The following KCNIP1 variants were observed in gnomAD, a reference collection of about 807,000 sequenced individuals.
KCNIP1 encodes the protein A-type potassium channel modulatory protein KCNIP1.
A neutral mutation model predicts 33.0 loss-of-function variants in KCNIP1; 18 were observed. That is an observed-to-expected ratio of 0.55 (90% CI 0.38 to 0.81). KCNIP1 has a LOEUF of 0.81. Ranked by LOEUF, KCNIP1 falls within the 30% of genes least tolerant of loss-of-function variation. KCNIP1 has a pLI of 0.00. For missense variants in KCNIP1, 238 were observed against 271.6 expected, an observed-to-expected ratio of 0.88 and a Z score of 0.87; for synonymous variants, 93 against 98.3, an observed-to-expected ratio of 0.95 and a Z score of 0.32.
intron 2 of KCNIP1, 97 bp downstream of exon 2, chr5:170,718,979 G>A (rs1260728989): frequency 5.4e-6 from 8 of 1,487,208 alleles, no homozygotes; most frequent in Non-Finnish European, 7.2e-6. Flanking sequence ...TTTCCCATAT[G>A]TGAGGCTGTA....
At chr5:170,624,023 C>T (rs1472385948) in intron 1 of KCNIP1, among the ~76,000 whole-genome samples, 1 of 152,230 alleles carries the variant, frequency 6.6e-6, no homozygotes, top group African/African-American at 2.4e-5. Context: ...GAAATAGTGG[C>T]CCTGGCCTGA....
chr5:170,628,889 A>C (rs574078878), intron 1 of KCNIP1, among the ~76,000 whole-genome samples: 4 of 152,220 alleles, frequency 2.6e-5, no homozygotes, highest in African/African-American at 9.7e-5. Flanking sequence ...CTGGCCGTGC[A>C]TGAGGGTCAG....
intron 1 of KCNIP1, among the ~76,000 whole-genome samples, chr5:170,717,966 T>A (rs1017060368): frequency 3.9e-5 from 6 of 152,230 alleles, no homozygotes; most frequent in Non-Finnish European, 8.8e-5. Flanking sequence ...CCCTCTGTGA[T>A]GGTAAAACGT....
At chr5:170,542,696 A>C (rs1756258433) in intron 1 of KCNIP1, among the ~76,000 whole-genome samples, 1 of 152,164 alleles carries the variant, frequency 6.6e-6, no homozygotes, top group Non-Finnish European at 1.5e-5. Flanking sequence ...AGGCTAATTT[A>C]TAAATTAGGC....
chr5:170,378,754 C>T (rs773550380), intron 1 of KCNIP1: 9 of 1,613,816 alleles, frequency 5.6e-6, no homozygotes, highest in South Asian at 2.2e-5. Flanking sequence ...TTCACCATGG[C>T]GATAATGAGG....
At chr5:170,679,084 A>G (rs1408685127) in intron 1 of KCNIP1, 1 of 152,170 alleles carries the variant, frequency 6.6e-6, no homozygotes, top group African/African-American at 2.4e-5. Flanking sequence ...TGGGCAGGTG[A>G]ATTTCTCAGG....
intron 5 of KCNIP1, among the ~76,000 whole-genome samples, chr5:170,729,668 T>A (rs949023986): frequency 1.3e-5 from 2 of 152,098 alleles, no homozygotes; most frequent in Admixed American, 6.5e-5. Context: ...GTAATGTATA[T>A]CTTTAAAAAC....
intron 1 of KCNIP1, among the ~76,000 whole-genome samples, chr5:170,557,166 TCAGCTGCAATA>T (rs1756872255): frequency 6.6e-6 from 1 of 152,198 alleles, no homozygotes; most frequent in African/African-American, 2.4e-5. Flanking sequence ...GCCTCTCTTC[TCAGCTGCAATA>T]CAGGGCTAAT....
intron 1 of KCNIP1, among the ~76,000 whole-genome samples, chr5:170,414,897 C>G (rs911343614): frequency 2.0e-5 from 3 of 152,068 alleles, no homozygotes; most frequent in Non-Finnish European, 4.4e-5. Flanking sequence ...ATGTGTGATG[C>G]GAAAAGGAAG....
chr5:170,547,506 T>A lies in KCNIP1; in HGVS notation c.61+42873T>A, dbSNP rs569691675. 2.6e-5 allele frequency among the ~76,000 whole-genome samples: 4 copies of A among 152,334 alleles called. No homozygotes were observed. In the East Asian group the frequency reaches 7.7e-4, roughly 29 times the overall value. On this transcript the variant is annotated intron_variant, in intron 1 of 7. Coordinates refer to ENST00000328939, the MANE Select transcript of KCNIP1 (RefSeq NM_014592.4). ...TATTAAGCTTAGTATCCATTAGTTA[T>A]TTTTCCTGATCCTCTCCCTCCTCCC...
intron 1 of KCNIP1, among the ~76,000 whole-genome samples, chr5:170,546,674 C>T (rs1756419253): frequency 6.6e-6 from 1 of 152,074 alleles, no homozygotes; most frequent in Admixed American, 6.5e-5. Flanking sequence ...ATTTTTGCGG[C>T]TTTTCTTTTT....
At chr5:170,468,166 A>G (rs1365307643) in intron 1 of KCNIP1, among the ~76,000 whole-genome samples, 2 of 152,198 alleles carry the variant, frequency 1.3e-5, no homozygotes, top group African/African-American at 4.8e-5. Flanking sequence ...TGGAACCTGT[A>G]AAAGAATTTA....
intron 1 of KCNIP1, among the ~76,000 whole-genome samples, chr5:170,497,746 C>T (rs148550048): frequency 1.3e-5 from 2 of 152,334 alleles, no homozygotes; most frequent in Non-Finnish European, 2.9e-5. Flanking sequence ...TATCCTTCCC[C>T]CTCTCCCTGA....
At position 170,381,833 on chromosome 5, in the gene KCNIP1, A is replaced by G. The variant is rs532048716; in HGVS notation, c.88+27869A>G. 2.0e-5 allele frequency among the ~76,000 whole-genome samples: 3 copies of G among 152,304 alleles called. No homozygotes were observed. In the South Asian group the frequency reaches 6.2e-4, roughly 32 times the overall value. On this transcript the variant is annotated intron_variant, in intron 1 of 7. Coordinates refer to the KCNIP1 transcript ENST00000377360. ...AAATTTGTTTCTTGCATTGGGATAA[A>G]TCAAGGGCTACTGAATGCCAACGCA... is the stretch of plus-strand genomic sequence containing the variant.
chr5:170,672,115 T>A (rs1289891763), intron 1 of KCNIP1, among the ~76,000 whole-genome samples: 1 of 151,984 alleles, frequency 6.6e-6, no homozygotes, highest in Non-Finnish European at 1.5e-5. Flanking sequence ...GAATTTCAGG[T>A]GAAAGGACCA....
At chr5:170,554,145 T>A (rs75879214) in intron 1 of KCNIP1, among the ~76,000 whole-genome samples, 3,435 of 152,176 alleles carry the variant, frequency 0.023, 62 homozygotes, top group Middle Eastern at 0.037. Context: ...TTTTTTTTTT[T>A]AATTTTTTAA....
intron 1 of KCNIP1, among the ~76,000 whole-genome samples, chr5:170,655,767 T>G (rs953020506): frequency 1.3e-5 from 2 of 152,072 alleles, no homozygotes; most frequent in African/African-American, 4.8e-5. Context: ...GAAATTTTGT[T>G]CCCCCAACCG....
chr5:170,620,234 C>T (rs573018557), intron 1 of KCNIP1, among the ~76,000 whole-genome samples: 1 of 152,312 alleles, frequency 6.6e-6, no homozygotes, highest in African/African-American at 2.4e-5. Context: ...CAACCTTTCC[C>T]TGTCCTGTAG....
intron 1 of KCNIP1, among the ~76,000 whole-genome samples, chr5:170,400,901 A>C (rs1162981226): frequency 6.6e-6 from 1 of 152,260 alleles, no homozygotes; most frequent in African/African-American, 2.4e-5. Context: ...AAATGTGAAC[A>C]GTGTAAGTGG....
Sources: gnomAD v4.1 joint callset for allele counts (sites outside exome capture counted in the v4.1 genomes callset) on GRCh38, gnomAD v4.1.1 for gene constraint, MANE v1.5 for transcripts, NCBI Gene and HGNC (gene_info 2026-07-23, HGNC 2026-07-21) for gene names.